The following SRP9 variants were observed in gnomAD, a reference collection of about 807,000 sequenced individuals.
SRP9 encodes signal recognition particle 9 kDa protein.
In SRP9, 2 loss-of-function variants were observed where a neutral mutation model predicts 11.7. That is an observed-to-expected ratio of 0.17 (90% CI 0.07 to 0.54). SRP9 has a LOEUF of 0.54. Among genes scored for constraint, SRP9 ranks in the 20% least tolerant of loss-of-function variants. SRP9 has a pLI of 0.94. For missense variants in SRP9, 54 were observed against 108.1 expected, an observed-to-expected ratio of 0.50 and a Z score of 2.22; for synonymous variants, 27 against 35.6, an observed-to-expected ratio of 0.76 and a Z score of 0.86.
At chr1:225,789,079 G>A (rs1299533413) in intron 2 of SRP9, 161 bp from the exon 3 acceptor site, 3 of 1,551,180 alleles carry the variant, frequency 1.9e-6, no homozygotes, top group Non-Finnish European at 2.6e-6. Flanking sequence ...AATTGCTGGA[G>A]GCTTGGAAAC....
At chr1:225,786,125 C>T (rs1347169968) in intron 2 of SRP9, among the ~76,000 whole-genome samples, 1 of 152,202 alleles carries the variant, frequency 6.6e-6, no homozygotes, top group Non-Finnish European at 1.5e-5. Context: ...TGTGTTAGGC[C>T]TCAGTGCTTT....
intron 2 of SRP9, chr1:225,786,800 A>G (rs1268970324): frequency 8.0e-7 from 1 of 1,250,874 alleles, no homozygotes. Flanking sequence ...CCCTTGGTAG[A>G]TTGAGTACAT....
chr1:225,785,069 A>G (rs1665878066), intron 2 of SRP9, among the ~76,000 whole-genome samples: 1 of 151,820 alleles, frequency 6.6e-6, no homozygotes, highest in Non-Finnish European at 1.5e-5. Context: ...GCCACAGTGC[A>G]CAGCCCAGAG....
intron 2 of SRP9, among the ~76,000 whole-genome samples, chr1:225,786,098 C>T (rs1249522829): frequency 1.3e-5 from 2 of 152,220 alleles, no homozygotes; most frequent in Non-Finnish European, 2.9e-5. Context: ...TGTAAGAGCT[C>T]CTTTAATGTG....
At position 225,777,912 on chromosome 1, in the gene SRP9, T is replaced by C; in HGVS notation, c.-29T>C. On this transcript the variant is annotated 5_prime_UTR_variant, in exon 1 of 3. Transcript: ENST00000304786. Reference sequence around the variant, plus strand: ...GTTGGGCCGGGTTCTGAGGCCTTGCTTCTCTTTACTTTTCCACTCTAGGCC... The same window carrying C: ...GTTGGGCCGGGTTCTGAGGCCTTGCCTCTCTTTACTTTTCCACTCTAGGCC... The C allele has an allele frequency of 6.2e-7, 1 of 1,605,416 alleles. No individual in the cohort carries two copies. The highest frequency in any genetic ancestry group is 8.5e-7 in the Non-Finnish European group (1 of 1,173,178).
At chr1:225,784,413 ATTTT>A (rs71170100) in intron 2 of SRP9, among the ~76,000 whole-genome samples, 1 of 146,366 alleles carries the variant, frequency 6.8e-6, no homozygotes, top group East Asian at 2.1e-4. Context: ...CGCCCAGCTA[ATTTT>A]TTTTTGTATT....
rs193178075 is a variant in SRP9, at chr1:225,785,220, A to G, written c.141+1852A>G. On this transcript the variant is annotated intron_variant, in intron 2 of 2. Transcript: ENST00000304786. ...TGAGTAGCTGGGACTACAGCCGTGC[A>G]CCACCACGCCCAACTAATTTTTTTT... Among the ~76,000 whole-genome samples, 639 of 143,434 alleles carry G rather than the reference A, an allele frequency of 4.5e-3. 16 individuals are homozygous for G. The highest frequency in any genetic ancestry group is 0.038 in the Admixed American group (537 of 14,306). The allele number at this position is 143,434 out of a possible 152,430, so 94.1% of individuals were successfully genotyped here.
chr1:225,786,475 C>T (rs941881062), intron 2 of SRP9, among the ~76,000 whole-genome samples: 4 of 152,040 alleles, frequency 2.6e-5, no homozygotes, highest in Admixed American at 2.0e-4. Context: ...TGTCTTTGGT[C>T]ATATATTGTA....
rs1665987641 is a variant in SRP9 at position 225,789,592 on chromosome 1, A to G, written c.*233A>G. The stretch of plus-strand genomic sequence containing the variant: ...TGAACAAGAAATGCATCTGTCTTAG[A>G]AACTGGAGATTATTTGATGTTAGGT... On this transcript the variant is annotated 3_prime_UTR_variant, in exon 3 of 3. Coordinates refer to ENST00000304786, the MANE Select transcript of SRP9 (RefSeq NM_003133.6). The G allele has an allele frequency of 3.1e-6, 1 of 325,426 alleles. No individual in the cohort carries two copies. Among genetic ancestry groups the G allele is most frequent in the East Asian group, 5.4e-5 (1 of 18,582 alleles). 20.2% of individuals were successfully genotyped at this position (325,426 alleles called of 1,614,324 possible).
chr1:225,777,930 T>C lies in SRP9; in HGVS notation c.-11T>C. 1 of 1,613,488 alleles carries C rather than the reference T, an allele frequency of 6.2e-7. No individual in the cohort carries two copies. The highest frequency in any genetic ancestry group is 8.5e-7 in the Non-Finnish European group (1 of 1,179,474). ...GCCTTGCTTCTCTTTACTTTTCCAC[T>C]CTAGGCCACGATGCCGCAGTACCAG... On this transcript the variant is annotated 5_prime_UTR_variant, in exon 1 of 3. Transcript: ENST00000304786.
intron 1 of SRP9, 124 bp downstream of exon 1, chr1:225,778,136 G>A: frequency 9.4e-7 from 1 of 1,061,032 alleles, no homozygotes; most frequent in South Asian, 1.5e-5. Context: ...AATGGACCCT[G>A]CCAAGTTAAT....
rs1665986155 is a variant in SRP9, at chr1:225,789,536, A to G, written c.*177A>G. 5 of 577,754 alleles carry G rather than the reference A, an allele frequency of 8.7e-6. No individual in the cohort carries two copies. Among genetic ancestry groups the G allele is most frequent in the Non-Finnish European group, 1.4e-5 (5 of 360,846 alleles). 35.8% of individuals were successfully genotyped at this position (577,754 alleles called of 1,614,324 possible). ...GAGAGCTAGGGATGCAAATGTTTTC[A>G]GTTAGAAAGCCTTTATTTACTTTTG... On this transcript the variant is annotated 3_prime_UTR_variant, in exon 3 of 3. Transcript: ENST00000304786.
intron 2 of SRP9, among the ~76,000 whole-genome samples, chr1:225,788,678 T>G (rs944884601): frequency 2.6e-5 from 4 of 152,068 alleles, no homozygotes; most frequent in Admixed American, 6.5e-5. Context: ...CCTCCCAGAG[T>G]GCTGGGATTA....
At chr1:225,778,609 C>T (rs1665732260) in intron 1 of SRP9, among the ~76,000 whole-genome samples, 1 of 152,108 alleles carries the variant, frequency 6.6e-6, no homozygotes. Context: ...GATTCATGGA[C>T]CTCTGAAATA....
At chr1:225,780,308 C>G (rs1665767837) in intron 1 of SRP9, among the ~76,000 whole-genome samples, 3 of 151,700 alleles carry the variant, frequency 2.0e-5, no homozygotes, top group Admixed American at 1.3e-4. Flanking sequence ...AGACACAAGC[C>G]ATGGCGCCTG....
At chr1:225,783,397 C>G in intron 2 of SRP9, 29 bp downstream of exon 2, 1 of 1,526,002 alleles carries the variant, frequency 6.6e-7, no homozygotes, top group Non-Finnish European at 9.1e-7. Flanking sequence ...TTGTTACATA[C>G]TTTCAGATTT....
At chr1:225,781,210 C>G (rs1265675751) in intron 1 of SRP9, among the ~76,000 whole-genome samples, 1 of 152,106 alleles carries the variant, frequency 6.6e-6, no homozygotes, top group African/African-American at 2.4e-5. Context: ...TGTTTTCTCT[C>G]TTTAGCATTT....
intron 1 of SRP9, among the ~76,000 whole-genome samples, chr1:225,779,937 T>A (rs555843952): frequency 6.6e-6 from 1 of 152,318 alleles, no homozygotes; most frequent in East Asian, 1.9e-4. Context: ...ACTGTAAGAA[T>A]GTGATGGCAG....
intron 2 of SRP9, among the ~76,000 whole-genome samples, chr1:225,788,706 G>A (rs546305534): frequency 3.3e-5 from 5 of 152,264 alleles, no homozygotes; most frequent in Admixed American, 6.5e-5. Context: ...AAGCCACCAC[G>A]CCTGGCCAAG....
Sources: allele counts gnomAD v4.1 joint callset (sites outside exome capture counted in the v4.1 genomes callset), GRCh38; gene constraint gnomAD v4.1.1; transcripts MANE v1.5; gene names NCBI Gene and HGNC (gene_info 2026-07-23, HGNC 2026-07-21).